Variants in MAP7D2 observed in about 807,000 individuals in gnomAD.
The protein encoded by MAP7D2 is MAP7 domain containing 2, also known as MAP7 domain-containing protein 2.
In MAP7D2, 33 loss-of-function variants were observed where a neutral mutation model predicts 63.5. That is an observed-to-expected ratio of 0.52 (90% CI 0.39 to 0.70). MAP7D2 has a LOEUF of 0.70. Among genes scored for constraint, MAP7D2 ranks in the 30% least tolerant of loss-of-function variants. MAP7D2 has a pLI of 0.00. For synonymous variants in MAP7D2, 224 were observed against 223.7 expected, an observed-to-expected ratio of 1.00 and a Z score of -0.01; for missense variants, 626 against 604.0, an observed-to-expected ratio of 1.04 and a Z score of -0.38.
intron 8 of MAP7D2, among the ~76,000 whole-genome samples, chrX:20,035,492 AT>A (rs761208592): frequency 5.4e-5 from 6 of 111,569 alleles, no homozygotes; most frequent in East Asian, 5.6e-4. Flanking sequence ...TGGAAATTAA[AT>A]TTTTTTTCTC....
chrX:20,041,020 G>C (rs980377754), intron 8 of MAP7D2, among the ~76,000 whole-genome samples: 1 of 111,766 alleles, frequency 8.9e-6, no homozygotes, highest in South Asian at 3.7e-4. Context: ...CATTTCTATA[G>C]AAGATACTAC....
chrX:20,111,823 T>C (rs1053417988), intron 1 of MAP7D2, among the ~76,000 whole-genome samples: 2 of 112,078 alleles, frequency 1.8e-5, no homozygotes, highest in African/African-American at 6.5e-5. Context: ...CAGGCTGGAG[T>C]GCAGTGGCAC....
At chrX:20,106,036 T>C (rs2066557224) in intron 1 of MAP7D2, among the ~76,000 whole-genome samples, 1 of 111,440 alleles carries the variant, frequency 9.0e-6, no homozygotes, top group Non-Finnish European at 1.9e-5. Flanking sequence ...AGAGAGCAAA[T>C]GGGGGCCAAA....
rs1158980382 is a variant in MAP7D2, at chrX:20,112,934, T to G, written c.130+3816A>C. Among the ~76,000 whole-genome samples, 13 of 112,213 alleles carry G rather than the reference T, an allele frequency of 1.2e-4. No homozygotes were observed. In the Admixed American group the frequency reaches 1.2e-3, roughly 11 times the overall value. On this transcript the variant is annotated intron_variant, in intron 1 of 16. Coordinates refer to ENST00000379643, the MANE Select transcript of MAP7D2 (RefSeq NM_001168465.2). ...AATTACAAGAAGACAAAGTGTTCTTTTAAAACACTAGCCACTGCAGAAGAT... is the reference window on the plus strand; with the variant it reads ...AATTACAAGAAGACAAAGTGTTCTTGTAAAACACTAGCCACTGCAGAAGAT...
intron 1 of MAP7D2, among the ~76,000 whole-genome samples, chrX:20,095,831 G>C (rs1482791177): frequency 9.1e-6 from 1 of 110,477 alleles, no homozygotes; most frequent in Non-Finnish European, 1.9e-5. Context: ...TGTAATCTCA[G>C]CACTTTGGGA....
chrX:20,057,541 A>G (rs1287930471), intron 3 of MAP7D2, among the ~76,000 whole-genome samples: 2 of 111,578 alleles, frequency 1.8e-5, no homozygotes, highest in Non-Finnish European at 3.8e-5. Context: ...ACTCTCCTGT[A>G]TTACCCAAAT....
At chrX:20,011,837 C>T (rs1281417697) in intron 15 of MAP7D2, among the ~76,000 whole-genome samples, 4 of 112,573 alleles carry the variant, frequency 3.6e-5, no homozygotes, top group South Asian at 3.7e-4. Context: ...TTCATAATTG[C>T]GCCAGCTGTA....
intron 1 of MAP7D2, among the ~76,000 whole-genome samples, chrX:20,087,535 T>C (rs886919420): frequency 1.8e-5 from 2 of 111,988 alleles, no homozygotes. Context: ...CCTCTTCTCT[T>C]TATAAATTAC....
chrX:20,103,661 A>G (rs1317426152), intron 1 of MAP7D2, among the ~76,000 whole-genome samples: 2 of 112,230 alleles, frequency 1.8e-5, no homozygotes, highest in African/African-American at 6.5e-5. Flanking sequence ...AGCTACTACT[A>G]TATGTGCTGA....
At chrX:20,028,145 T>A (rs748246219) in intron 8 of MAP7D2, among the ~76,000 whole-genome samples, 1 of 111,800 alleles carries the variant, frequency 8.9e-6, no homozygotes, top group Non-Finnish European at 1.9e-5. Flanking sequence ...GTAAATGGTA[T>A]GACACAGGTA....
In MAP7D2 at chrX:20,056,758, C is replaced by T. The variant is rs185502357; in HGVS notation, c.406G>A (p.Glu136Lys). The T allele has an allele frequency of 8.3e-7, 1 of 1,210,132 alleles. No individual in the cohort carries two copies. The highest frequency in any genetic ancestry group is 3.0e-5 in the East Asian group (1 of 33,768). ...RLEAMMRRSL[E>K]RTQQLELKKK... ...TTCAGCTCCAGCTGCTGTGTGCGCTCCAGGGACCGGCGCATCATCGCCTCC... is the reference window on the plus strand; with the variant it reads ...TTCAGCTCCAGCTGCTGTGTGCGCTTCAGGGACCGGCGCATCATCGCCTCC... The change falls in exon 4 of 17, where the codon GAG (glutamate) becomes AAG (lysine). Residue 136 changes from glutamate to lysine, a missense_variant. Physicochemically the swap from Glu to Lys is moderately conservative, Grantham distance 56. Transcript: ENST00000379643.
At chrX:20,070,107 C>T (rs1465967490) in intron 1 of MAP7D2, among the ~76,000 whole-genome samples, 2 of 110,883 alleles carry the variant, frequency 1.8e-5, no homozygotes, top group Admixed American at 1.9e-4. Context: ...CGCCACCACG[C>T]CTGGTTAACT....
rs187713619 is a variant in MAP7D2 at position 20,070,105 on chromosome X, C to T, written c.131-5300G>A. Among the ~76,000 whole-genome samples the T allele has an allele frequency of 4.9e-3, 545 of 110,769 alleles. 4 individuals are homozygous for T. Among genetic ancestry groups the T allele is most frequent in the African/African-American group, 0.017 (525 of 30,549 alleles). On this transcript the variant is annotated intron_variant, in intron 1 of 16. Transcript: ENST00000379643. The stretch of plus-strand genomic sequence containing the variant: ...CTGGGATTATAGGCATGCGCCACCA[C>T]GCCTGGTTAACTTTTGTATTTTTAG...
At chrX:20,055,746 C>T (rs752155679) in intron 4 of MAP7D2, 17 of 988,935 alleles carry the variant, frequency 1.7e-5, no homozygotes, top group African/African-American at 2.0e-5. Context: ...TTGGTGGACT[C>T]GGCAGCTGCG....
At chrX:20,100,707 G>C (rs186484273) in intron 1 of MAP7D2, among the ~76,000 whole-genome samples, 10 of 111,346 alleles carry the variant, frequency 9.0e-5, no homozygotes, top group African/African-American at 2.9e-4. Flanking sequence ...ATGAGCCAAG[G>C]AATGCAGGCA....
In MAP7D2 at chrX:20,007,352, C is replaced by T; in HGVS notation, c.*1073G>A. 8.9e-6 allele frequency: 1 copy of T among 112,080 alleles called. No individual in the cohort carries two copies. Among genetic ancestry groups the T allele is most frequent in the East Asian group, 2.8e-4 (1 of 3,571 alleles). 9.2% of individuals were successfully genotyped at this position (112,080 alleles called of 1,213,427 possible). A position where few individuals can be genotyped will look rare whatever the true frequency, so the allele number is the denominator to read the frequency against. ...ATTTTAATTTGAAAGCCACATTTCG[C>T]CACAAGAAACAAAATTAAGAAAACA... On this transcript the variant is annotated 3_prime_UTR_variant, in exon 17 of 17. Transcript: ENST00000379643.
chrX:20,054,063 C>T (rs916374416), intron 4 of MAP7D2, among the ~76,000 whole-genome samples: 9 of 112,015 alleles, frequency 8.0e-5, no homozygotes, highest in African/African-American at 2.6e-4. Context: ...AGGATGGTCT[C>T]GATCTCTTGA....
chrX:20,100,454 G>A (rs893613061), intron 1 of MAP7D2, among the ~76,000 whole-genome samples: 2 of 112,023 alleles, frequency 1.8e-5, no homozygotes, highest in African/African-American at 6.5e-5. Flanking sequence ...CCCAGAACCT[G>A]TGAATATGCT....
At chrX:20,116,367 C>A (rs1327730890) in intron 1 of MAP7D2, among the ~76,000 whole-genome samples, 1 of 112,411 alleles carries the variant, frequency 8.9e-6, no homozygotes, top group East Asian at 2.8e-4. Context: ...AGAGCGCGCG[C>A]GGAGGCCGGG....
Sources: gnomAD v4.1 joint callset for allele counts (sites outside exome capture counted in the v4.1 genomes callset) on GRCh38, gnomAD v4.1.1 for gene constraint, MANE v1.5 for transcripts, NCBI Gene and HGNC (gene_info 2026-07-23, HGNC 2026-07-21) for gene names.